The following ADGRG6 variants were observed in gnomAD, a reference collection of about 807,000 sequenced individuals.
ADGRG6 encodes G-protein coupled receptor 126.
A neutral mutation model predicts 142.4 loss-of-function variants in ADGRG6; 84 were observed. That is an observed-to-expected ratio of 0.59 (90% CI 0.49 to 0.71). The LOEUF (loss-of-function observed/expected upper bound fraction) is 0.71. Among genes scored for constraint, ADGRG6 ranks in the 30% least tolerant of loss-of-function variants. ADGRG6 has a pLI of 0.00. For missense variants in ADGRG6, 1,367 were observed against 1,466.6 expected (o/e 0.93, Z 1.11); for synonymous variants, 521 against 520.5 (o/e 1.00, Z -0.01).
At chr6:142,388,408 C>T (rs886848974) in intron 6 of ADGRG6, among the ~76,000 whole-genome samples, 4 of 151,962 alleles carry the variant, frequency 2.6e-5, no homozygotes, top group Admixed American at 2.6e-4. Context: ...TTTAGGTTTC[C>T]ATCTAGTGGT....
At chr6:142,404,136 G>A in intron 14 of ADGRG6, 163 bp downstream of exon 14, 1 of 623,502 alleles carries the variant, frequency 1.6e-6, no homozygotes, top group Non-Finnish European at 2.8e-6. Flanking sequence ...AGTATTGTGG[G>A]AGCTCAGAGT....
At chr6:142,393,144 T>C (rs1327276406) in intron 8 of ADGRG6, 144 bp downstream of exon 8, 1 of 549,150 alleles carries the variant, frequency 1.8e-6, no homozygotes. Context: ...AACTGTGTAT[T>C]AGTTCATTGC....
intron 15 of ADGRG6, among the ~76,000 whole-genome samples, chr6:142,406,385 A>G (rs1441663098): frequency 2.0e-5 from 3 of 152,234 alleles, no homozygotes; most frequent in Non-Finnish European, 4.4e-5. Context: ...GCCCACTGCC[A>G]GCAAACACTG....
chr6:142,312,876 G>T (rs1582959145), intron 2 of ADGRG6, among the ~76,000 whole-genome samples: 2 of 152,062 alleles, frequency 1.3e-5, no homozygotes, highest in African/African-American at 4.8e-5. Context: ...AAACAATGTG[G>T]TCAAACTGCC....
intron 2 of ADGRG6, among the ~76,000 whole-genome samples, chr6:142,363,782 A>G (rs1018739969): frequency 3.3e-5 from 5 of 152,152 alleles, no homozygotes; most frequent in African/African-American, 1.2e-4. Context: ...TAGTATAGGA[A>G]TCAATTAGCA....
chr6:142,432,708 C>G (rs1045696649), intron 22 of ADGRG6, among the ~76,000 whole-genome samples: 1 of 152,116 alleles, frequency 6.6e-6, no homozygotes, highest in Non-Finnish European at 1.5e-5. Context: ...TTAAGTCAGT[C>G]TTATCTTTAA....
At chr6:142,434,388 G>A (rs1410225852) in intron 22 of ADGRG6, among the ~76,000 whole-genome samples, 1 of 151,250 alleles carries the variant, frequency 6.6e-6, no homozygotes, top group African/African-American at 2.4e-5. Flanking sequence ...GGAATGGCAC[G>A]ATCTCGGCTC....
intron 22 of ADGRG6, among the ~76,000 whole-genome samples, chr6:142,423,269 G>A (rs1390722717): frequency 7.0e-6 from 1 of 143,210 alleles, no homozygotes; most frequent in African/African-American, 2.6e-5. Context: ...GTAATGCCTA[G>A]GTTTTCTTCT....
intron 2 of ADGRG6, among the ~76,000 whole-genome samples, chr6:142,342,212 A>G (rs180967279): frequency 6.6e-6 from 1 of 152,220 alleles, no homozygotes; most frequent in African/African-American, 2.4e-5. Context: ...AATGGAAAAA[A>G]AAATTCTCCA....
rs773634101 is a variant in ADGRG6 at position 142,443,519 on chromosome 6, CT to C, written c.*7del. On this transcript the variant is annotated 3_prime_UTR_variant, in exon 25 of 25. Coordinates refer to ENST00000367609, the MANE Select transcript of ADGRG6 (RefSeq NM_198569.3). ...CAGCCACAGCACAAAGTTTTAATGT[CT>C]TTAAGAAAAAGAAATCAATCTGCAG... is the stretch of plus-strand genomic sequence containing the variant. 11 of 1,591,912 alleles carry C rather than the reference CT, an allele frequency of 6.9e-6. No individual in the cohort carries two copies. The Admixed American group carries it at 8.7e-5, about 13-fold the overall frequency.
intron 24 of ADGRG6, among the ~76,000 whole-genome samples, chr6:142,438,701 A>G (rs1002822017): frequency 6.6e-6 from 1 of 152,200 alleles, no homozygotes; most frequent in African/African-American, 2.4e-5. Context: ...ATTACAGATT[A>G]TTTCAGCATA....
chr6:142,415,674 A>G (rs2115073438), intron 19 of ADGRG6, 122 bp from the exon 20 acceptor site: 2 of 647,080 alleles, frequency 3.1e-6, no homozygotes, highest in East Asian at 2.7e-5. Flanking sequence ...GAACCACATC[A>G]GAAAGGTGGT....
chr6:142,344,275 A>T (rs574562715), intron 2 of ADGRG6, among the ~76,000 whole-genome samples: 1 of 152,088 alleles, frequency 6.6e-6, no homozygotes, highest in Admixed American at 6.6e-5. Context: ...ATGTCTAACA[A>T]TGTGATGTTC....
At chr6:142,379,521 G>A (rs996649930) in intron 4 of ADGRG6, among the ~76,000 whole-genome samples, 3 of 152,024 alleles carry the variant, frequency 2.0e-5, no homozygotes, top group Admixed American at 6.5e-5. Context: ...TAATCCCAGC[G>A]CTTTGGGAGG....
At chr6:142,396,160 G>T (rs1583088178) in intron 9 of ADGRG6, among the ~76,000 whole-genome samples, 1 of 152,116 alleles carries the variant, frequency 6.6e-6, no homozygotes, top group South Asian at 2.1e-4. Flanking sequence ...ACAAGTAAAA[G>T]GTCACATTCC....
intron 2 of ADGRG6, among the ~76,000 whole-genome samples, chr6:142,333,065 G>A (rs992317860): frequency 6.6e-6 from 1 of 152,234 alleles, no homozygotes; most frequent in Non-Finnish European, 1.5e-5. Context: ...TTGAAATGGT[G>A]ATTGAAATGG....
chr6:142,358,635 G>A lies in ADGRG6; in HGVS notation c.104-8934G>A, dbSNP rs139604819. Among the ~76,000 whole-genome samples the A allele has an allele frequency of 7.7e-3, 1,170 of 152,246 alleles. 13 individuals carry two copies. Among genetic ancestry groups the A allele is most frequent in the African/African-American group, 0.027 (1,116 of 41,552 alleles). ...TTAAAAAGTATCTGTGGCTGGGCCC[G>A]GTGGCTCACACCTGTAATCCCAGCA... On this transcript the variant is annotated intron_variant, in intron 2 of 24. Coordinates refer to ENST00000367609, the MANE Select transcript of ADGRG6 (RefSeq NM_198569.3).
chr6:142,318,168 T>C (rs1278715955), intron 2 of ADGRG6, among the ~76,000 whole-genome samples: 7 of 58,058 alleles, frequency 1.2e-4, no homozygotes, highest in Non-Finnish European at 1.7e-4. Flanking sequence ...ATATATATTA[T>C]ATATTTATAT....
At position 142,417,167 on chromosome 6, in the gene ADGRG6, T is replaced by A. The variant is rs1029395737; in HGVS notation, c.2939-106T>A. 5 of 741,172 alleles carry A rather than the reference T, an allele frequency of 6.7e-6. No homozygotes were observed. The Admixed American group carries it at 1.0e-4, about 15-fold the overall frequency. 45.9% of individuals were successfully genotyped at this position (741,172 alleles called of 1,614,324 possible). On this transcript the variant is annotated intron_variant, in intron 20 of 24. Transcript: ENST00000367609. ...TCTGGGATATGGAATGTTGGCTTGC[T>A]TGCATTTCTCTTCTTTTCATTTCTT...
Sources: allele counts gnomAD v4.1 joint callset (sites outside exome capture counted in the v4.1 genomes callset), GRCh38; gene constraint gnomAD v4.1.1; transcripts MANE v1.5; gene names NCBI Gene and HGNC (gene_info 2026-07-23, HGNC 2026-07-21).